SLC8A1: variants seen among roughly 807,000 people sequenced by gnomAD.
SLC8A1 encodes the protein sodium/calcium exchanger 1.
Under a neutral mutation model 68.3 loss-of-function variants are expected in SLC8A1, and 18 were observed. The observed-to-expected ratio is 0.26, with a 90% CI of 0.18 to 0.39. The LOEUF is 0.39. SLC8A1 is among the 10% of genes least tolerant of loss of function. The pLI, the probability that SLC8A1 is intolerant of heterozygous loss-of-function variation, is 1.00. For synonymous variants in SLC8A1, 475 were observed against 415.5 expected (o/e 1.14, Z -1.74); for missense variants, 985 against 1,156.7 (o/e 0.85, Z 2.15).
exon 8 of SLC8A1, chr2:40,103,721 G>C (rs536918806): frequency 2.0e-4 from 31 of 152,224 alleles, no homozygotes; most frequent in African/African-American, 7.2e-4. Context: ...ATTTTCTACT[G>C]TACACTTCTT....
At chr2:40,387,763 C>T (rs918301877) in intron 2 of SLC8A1, among the ~76,000 whole-genome samples, 1 of 145,478 alleles carries the variant, frequency 6.9e-6, no homozygotes, top group South Asian at 2.1e-4. Context: ...CATGGTGAAA[C>T]CCTGTCTCTA....
chr2:40,162,805 C>G (rs72937268), intron 5 of SLC8A1, among the ~76,000 whole-genome samples: 2,881 of 152,216 alleles, frequency 0.019, 103 homozygotes, highest in African/African-American at 0.065. Context: ...TCACCCTCAG[C>G]AATGGGTGTT....
At chr2:40,457,631 T>G (rs538770700) in intron 1 of SLC8A1, among the ~76,000 whole-genome samples, 1 of 152,304 alleles carries the variant, frequency 6.6e-6, no homozygotes, top group South Asian at 2.1e-4. Context: ...TGTAGACTCA[T>G]ACAGTGTGAC....
intron 1 of SLC8A1, among the ~76,000 whole-genome samples, chr2:40,457,825 C>T (rs1703112375): frequency 1.3e-5 from 2 of 152,118 alleles, no homozygotes; most frequent in Non-Finnish European, 1.5e-5. Context: ...TTTTTGCCAC[C>T]TCCAATTTAA....
At chr2:40,470,522 CA>C (rs2149902064) in intron 1 of SLC8A1, among the ~76,000 whole-genome samples, 1 of 151,796 alleles carries the variant, frequency 6.6e-6, no homozygotes, top group African/African-American at 2.4e-5. Flanking sequence ...TTGACATGAA[CA>C]GAATGAAGTA....
chr2:40,293,323 T>C lies in SLC8A1; in HGVS notation c.1809-115468A>G, dbSNP rs138190475. Among the ~76,000 whole-genome samples the C allele has an allele frequency of 7.5e-4, 114 of 152,312 alleles. 1 individual carries two copies. In the East Asian group the frequency reaches 0.019, roughly 25 times the overall value. ...GTAGGAGTTACATAAATATTTGTCA[T>C]ATTAAAGAATTTTAAAAAATAAAAG... On this transcript the variant is annotated intron_variant, in intron 2 of 7. Coordinates refer to ENST00000406785, the Ensembl canonical transcript of SLC8A1.
rs746122235 is a variant in SLC8A1, at chr2:40,160,721, G to A, written c.2161+44C>T. ...AGCCACAGTAGGAAAACTCAGCTCA[G>A]ATTGGGCAATTTTAATTTATAATAT... On this transcript the variant is annotated intron_variant, in intron 6 of 7. Coordinates refer to ENST00000406785, the Ensembl canonical transcript of SLC8A1. 17 of 1,565,704 alleles carry A rather than the reference G, an allele frequency of 1.1e-5. No individual in the cohort carries two copies. In the African/African-American group the frequency reaches 1.4e-4, roughly 12 times the overall value.
intron 2 of SLC8A1, among the ~76,000 whole-genome samples, chr2:40,291,855 AAGTCATATTC>A (rs1041872265): frequency 2.6e-4 from 40 of 152,002 alleles, no homozygotes; most frequent in Non-Finnish European, 4.1e-4. Flanking sequence ...TGCGAGGTTG[AAGTCATATTC>A]AGTCACAACA....
intron 2 of SLC8A1, among the ~76,000 whole-genome samples, chr2:40,340,777 A>G (rs1399195015): frequency 6.6e-6 from 1 of 152,142 alleles, no homozygotes; most frequent in African/African-American, 2.4e-5. Context: ...GAGAGTAAGG[A>G]AAACGGAAAT....
At chr2:40,420,393 T>A (rs887469206) in intron 2 of SLC8A1, among the ~76,000 whole-genome samples, 1 of 151,866 alleles carries the variant, frequency 6.6e-6, no homozygotes, top group African/African-American at 2.4e-5. Context: ...AACTGCTATT[T>A]CAAGTACGAA....
At chr2:40,240,920 A>T (rs544976423) in intron 2 of SLC8A1, among the ~76,000 whole-genome samples, 1 of 152,242 alleles carries the variant, frequency 6.6e-6, no homozygotes, top group Admixed American at 6.5e-5. Flanking sequence ...CTTTTAAAAT[A>T]GAGACAATAA....
At chr2:40,357,585 G>A (rs1209473266) in intron 2 of SLC8A1, among the ~76,000 whole-genome samples, 1 of 150,618 alleles carries the variant, frequency 6.6e-6, no homozygotes, top group Non-Finnish European at 1.5e-5. Context: ...AATACCTAAT[G>A]TAGACGACAG....
At chr2:40,501,427 A>G (rs1308752879) in intron 1 of SLC8A1, among the ~76,000 whole-genome samples, 2 of 152,124 alleles carry the variant, frequency 1.3e-5, no homozygotes, top group East Asian at 3.9e-4. Flanking sequence ...ACTTTAAAAG[A>G]CTGACATTTT....
At chr2:40,264,583 A>T (rs2065116563) in intron 2 of SLC8A1, among the ~76,000 whole-genome samples, 1 of 152,220 alleles carries the variant, frequency 6.6e-6, no homozygotes, top group South Asian at 2.1e-4. Flanking sequence ...CATCATTCTC[A>T]GCAAACTATC....
chr2:40,446,081 A>G (rs1416974666), intron 1 of SLC8A1, among the ~76,000 whole-genome samples: 1 of 152,206 alleles, frequency 6.6e-6, no homozygotes, highest in Admixed American at 6.5e-5. Flanking sequence ...AAGTTCCAGA[A>G]GCTCAACTGT....
chr2:40,403,724 T>C (rs1240838271), intron 2 of SLC8A1, among the ~76,000 whole-genome samples: 1 of 152,180 alleles, frequency 6.6e-6, no homozygotes, highest in African/African-American at 2.4e-5. Flanking sequence ...TGAAGAACAT[T>C]TATTGTGCAA....
At chr2:40,269,745 C>T (rs1332972907) in intron 2 of SLC8A1, among the ~76,000 whole-genome samples, 5 of 151,940 alleles carry the variant, frequency 3.3e-5, no homozygotes, top group Non-Finnish European at 5.9e-5. Flanking sequence ...TACTCCCCAC[C>T]GCTGTGTTGC....
At chr2:40,350,813 T>G (rs1350309397) in intron 2 of SLC8A1, among the ~76,000 whole-genome samples, 1 of 152,022 alleles carries the variant, frequency 6.6e-6, no homozygotes, top group Non-Finnish European at 1.5e-5. Flanking sequence ...AGCCAGAATG[T>G]GTAGTAGGCA....
chr2:40,413,018 C>T (rs531970205), intron 2 of SLC8A1, among the ~76,000 whole-genome samples: 3 of 152,176 alleles, frequency 2.0e-5, no homozygotes, highest in East Asian at 3.9e-4. Flanking sequence ...TGTCATTTAG[C>T]ATCAGGTATA....
Sources: gnomAD v4.1 joint callset for allele counts (sites outside exome capture counted in the v4.1 genomes callset) on GRCh38, gnomAD v4.1.1 for gene constraint, MANE v1.5 for transcripts, NCBI Gene and HGNC (gene_info 2026-07-23, HGNC 2026-07-21) for gene names.